BRWD1: variants seen among roughly 807,000 people sequenced by gnomAD.
The protein encoded by BRWD1 is bromodomain and WD repeat-containing protein 1.
In BRWD1, 82 loss-of-function variants were observed where a neutral mutation model predicts 251.2. That is an observed-to-expected ratio of 0.33 (90% CI 0.27 to 0.39). The LOEUF is 0.39. BRWD1 is among the 10% of genes least tolerant of loss of function. The pLI is 1.00. For synonymous variants in BRWD1, 918 were observed against 902.8 expected, an observed-to-expected ratio of 1.02 and a Z score of -0.30; for missense variants, 2,233 against 2,711.6, an observed-to-expected ratio of 0.82 and a Z score of 3.92.
At chr21:39,319,208 TCTTC>T (rs1244582536) in intron 1 of BRWD1, among the ~76,000 whole-genome samples, 1 of 152,222 alleles carries the variant, frequency 6.6e-6, no homozygotes, top group Non-Finnish European at 1.5e-5. Flanking sequence ...CAGGACCTTT[TCTTC>T]CTTTTAAGTC....
upstream of BRWD1, among the ~76,000 whole-genome samples, chr21:39,318,688 A>C (rs1337107158): frequency 1.3e-5 from 2 of 152,158 alleles, no homozygotes; most frequent in African/African-American, 4.8e-5. Flanking sequence ...TCTGTCACAC[A>C]GGCAGGAGTG....
chr21:39,185,544 G>A lies in BRWD1; in HGVS notation c.*10715C>T, dbSNP rs1174295432. On this transcript the variant is annotated 3_prime_UTR_variant, in exon 41 of 41. Coordinates refer to ENST00000342449, the MANE Select transcript of BRWD1 (RefSeq NM_033656.4). ...CTCACCTGTGTATCAACATATTGGG[G>A]ATCAGTAATTTAGATGAAAGTATAC... 1.3e-5 allele frequency: 2 copies of A among 150,970 alleles called. No homozygotes were observed. Among genetic ancestry groups the A allele is most frequent in the Non-Finnish European group, 3.0e-5 (2 of 67,620 alleles). 9.4% of individuals were successfully genotyped at this position (150,970 alleles called of 1,614,324 possible).
chr21:39,251,684 G>A (rs972155943), intron 19 of BRWD1, among the ~76,000 whole-genome samples: 8 of 152,246 alleles, frequency 5.3e-5, no homozygotes, highest in South Asian at 2.1e-4. Context: ...TTTATCCAGC[G>A]GGGATTTCTA....
chr21:39,188,398 A>T lies in BRWD1; in HGVS notation c.*7861T>A, dbSNP rs1244378260. 10 of 985,274 alleles carry T rather than the reference A, an allele frequency of 1.0e-5. No homozygotes were observed. The highest frequency in any genetic ancestry group is 1.1e-5 in the Non-Finnish European group (9 of 829,914). 61.0% of individuals were successfully genotyped at this position (985,274 alleles called of 1,614,324 possible). On this transcript the variant is annotated 3_prime_UTR_variant, in exon 41 of 41. Coordinates refer to ENST00000342449, the MANE Select transcript of BRWD1 (RefSeq NM_033656.4). ...TAACCAGTTGATATCCTCCACCCAC[A>T]CTAGACATCTGGAGGACTCCACCAC...
chr21:39,266,878 A>G (rs1439162351), intron 15 of BRWD1, among the ~76,000 whole-genome samples: 3 of 152,228 alleles, frequency 2.0e-5, no homozygotes, highest in Non-Finnish European at 2.9e-5. Context: ...ACTGGAAATA[A>G]GATCATTGTT....
intron 13 of BRWD1, among the ~76,000 whole-genome samples, chr21:39,273,899 A>T (rs2035197916): frequency 6.6e-6 from 1 of 152,198 alleles, no homozygotes; most frequent in Non-Finnish European, 1.5e-5. Flanking sequence ...ATTTTTAGAG[A>T]GTCTCGCTCT....
chr21:39,211,527 A>G (rs1037327353), intron 34 of BRWD1, among the ~76,000 whole-genome samples: 2 of 152,168 alleles, frequency 1.3e-5, no homozygotes, highest in African/African-American at 2.4e-5. Context: ...CAAGGTGAGG[A>G]CACCCACTAG....
intron 19 of BRWD1, among the ~76,000 whole-genome samples, chr21:39,255,389 G>A (rs1329181962): frequency 5.3e-5 from 8 of 151,682 alleles, no homozygotes; most frequent in Middle Eastern, 3.4e-3. Flanking sequence ...TCCAGCCTGC[G>A]CAACGAGAGC....
rs1302432896 is a variant in BRWD1 at position 39,218,602 on chromosome 21, T to A, written c.3441A>T (p.Lys1147Asn). 3 of 1,612,098 alleles carry A rather than the reference T, an allele frequency of 1.9e-6. No homozygotes were observed. The highest frequency in any genetic ancestry group is 1.7e-6 in the Non-Finnish European group (2 of 1,179,260). Reference protein sequence around the residue: ...SISVTTDELEKLLYKPQAGEW... With the variant: ...SISVTTDELENLLYKPQAGEW... Reference sequence around the variant, plus strand: ...CACCAGCTTGTGGTTTATAGAGCAATTTCTCTAGCTCATCTGTTGTGACAG... The same window carrying A: ...CACCAGCTTGTGGTTTATAGAGCAAATTCTCTAGCTCATCTGTTGTGACAG... The change falls in exon 30 of 41, where the codon AAA becomes AAT. Residue 1147 changes from lysine (K) to asparagine (N), a missense_variant. This residue lies in a region of BRWD1 where 139 missense variants were observed against 272.8 expected (regional missense o/e 0.51). Coordinates refer to ENST00000342449, the MANE Select transcript of BRWD1 (RefSeq NM_033656.4).
chr21:39,198,902 A>G lies in BRWD1; in HGVS notation c.5514T>C (p.His1838=). 6.2e-7 allele frequency: 1 copy of G among 1,614,194 alleles called. No individual in the cohort carries two copies. The highest frequency in any genetic ancestry group is 1.1e-5 in the South Asian group (1 of 91,084). The change falls in exon 40 of 41, where the codon CAT becomes CAC. Residue 1838 remains histidine (H), a synonymous_variant. Transcript: ENST00000342449. ...CTGAAATTGGGTTCATTTCCATTTT[A>G]TGACATTTCCCATCTTCTCTATCTT... ...EEQDREDGKC[H]KMEMNPISGN...
In BRWD1 at chr21:39,296,954, A is replaced by G. The variant is rs534381319; in HGVS notation, c.350-591T>C. 1.1e-4 allele frequency: 107 copies of G among 984,990 alleles called. 1 individual carries two copies. The East Asian group carries it at 4.7e-3, about 43-fold the overall frequency. 61.0% of individuals were successfully genotyped at this position (984,990 alleles called of 1,614,324 possible). On this transcript the variant is annotated intron_variant, in intron 5 of 40. Coordinates refer to ENST00000342449, the MANE Select transcript of BRWD1 (RefSeq NM_033656.4). Reference sequence around the variant, plus strand: ...TTTTAAAATTAATTTGGCCAATACTACCATGACTTTAGTCTCTATCTTTAG... The same window carrying G: ...TTTTAAAATTAATTTGGCCAATACTGCCATGACTTTAGTCTCTATCTTTAG...
In BRWD1 at chr21:39,193,620, A is replaced by G. The variant is rs935670318; in HGVS notation, c.*2639T>C. Reference sequence around the variant, plus strand: ...AACCAAAGTAGTTTTTGTTTTTCACATACACCATTAAGTTGAACTTCAAGT... The same window carrying G: ...AACCAAAGTAGTTTTTGTTTTTCACGTACACCATTAAGTTGAACTTCAAGT... On this transcript the variant is annotated 3_prime_UTR_variant, in exon 41 of 41. Transcript: ENST00000342449. 1.0e-6 allele frequency: 1 copy of G among 985,558 alleles called. No individual in the cohort carries two copies. The highest frequency in any genetic ancestry group is 1.7e-5 in the African/African-American group (1 of 57,316). The allele number at this position is 985,558 out of a possible 1,614,324, so 61.1% of individuals were successfully genotyped here.
At chr21:39,273,213 G>A (rs1432809735) in intron 13 of BRWD1, among the ~76,000 whole-genome samples, 3 of 152,044 alleles carry the variant, frequency 2.0e-5, no homozygotes, top group Non-Finnish European at 4.4e-5. Context: ...ACAATAATAG[G>A]TGAAACTGAC....
chr21:39,231,655 C>A (rs2033621133), intron 25 of BRWD1, among the ~76,000 whole-genome samples: 1 of 152,190 alleles, frequency 6.6e-6, no homozygotes, highest in African/African-American at 2.4e-5. Flanking sequence ...TGGACCACTT[C>A]ACACACCCCA....
At chr21:39,259,700 G>A (rs900095879) in intron 17 of BRWD1, among the ~76,000 whole-genome samples, 1 of 152,108 alleles carries the variant, frequency 6.6e-6, no homozygotes, top group Non-Finnish European at 1.5e-5. Flanking sequence ...AGCCGGGCCT[G>A]GTGGCGCACG....
intron 8 of BRWD1, among the ~76,000 whole-genome samples, chr21:39,281,008 T>A (rs1236090393): frequency 6.6e-6 from 1 of 151,884 alleles, no homozygotes; most frequent in Non-Finnish European, 1.5e-5. Flanking sequence ...AGTAGGAAAA[T>A]GCAAGGAAAA....
intron 15 of BRWD1, among the ~76,000 whole-genome samples, chr21:39,265,407 C>G (rs1268261899): frequency 6.6e-6 from 1 of 152,066 alleles, no homozygotes; most frequent in Non-Finnish European, 1.5e-5. Context: ...TGCACTCAAG[C>G]CTGGGTGACA....
At chr21:39,254,864 C>T (rs1046575280) in intron 19 of BRWD1, among the ~76,000 whole-genome samples, 2 of 152,116 alleles carry the variant, frequency 1.3e-5, no homozygotes, top group African/African-American at 2.4e-5. Context: ...ATGAAGCAGT[C>T]TTGCAAAAAA....
chr21:39,273,807 A>C (rs1393920472), intron 13 of BRWD1, among the ~76,000 whole-genome samples: 1 of 152,204 alleles, frequency 6.6e-6, no homozygotes, highest in East Asian at 1.9e-4. Context: ...CAAAATGTGG[A>C]AACGTTTCTC....
Sources: gnomAD v4.1 joint callset for allele counts (sites outside exome capture counted in the v4.1 genomes callset) on GRCh38, gnomAD v4.1.1 for gene constraint, gnomAD v4.1.1 regional missense constraint, MANE v1.5 for transcripts, NCBI Gene and HGNC (gene_info 2026-07-23, HGNC 2026-07-21) for gene names.